Variants in ITGB8 observed in about 807,000 individuals in gnomAD.
ITGB8 encodes the protein integrin beta-8.
ITGB8 carries 30 observed loss-of-function variants against 89.5 expected under a neutral mutation model. That is an observed-to-expected ratio of 0.34 (90% CI 0.25 to 0.45). The LOEUF (loss-of-function observed/expected upper bound fraction) is 0.45, where lower values mean the gene tolerates loss of function less well. Among genes scored for constraint, ITGB8 ranks in the 20% least tolerant of loss-of-function variants. The pLI is 1.00. For synonymous variants in ITGB8, 335 were observed against 320.4 expected (o/e 1.05, Z -0.49); for missense variants, 836 against 933.3 (o/e 0.90, Z 1.36).
chr7:20,406,227 C>T (rs1168012621), intron 12 of ITGB8, 56 bp downstream of exon 12: 31 of 1,074,286 alleles, frequency 2.9e-5, no homozygotes, highest in Non-Finnish European at 4.0e-5. Context: ...GGATGATGTT[C>T]CCCCAAAAGA....
intron 1 of ITGB8, among the ~76,000 whole-genome samples, chr7:20,342,291 A>G (rs1225902175): frequency 3.3e-5 from 5 of 152,216 alleles, no homozygotes; most frequent in African/African-American, 1.2e-4. Context: ...TTGACAATCT[A>G]GGAACTAAAT....
intron 1 of ITGB8, among the ~76,000 whole-genome samples, chr7:20,349,397 A>T (rs1252307239): frequency 6.6e-6 from 1 of 151,798 alleles, no homozygotes; most frequent in Non-Finnish European, 1.5e-5. Context: ...CAATTACTTT[A>T]GCACCAACCT....
intron 5 of ITGB8, 112 bp downstream of exon 5, chr7:20,380,943 A>T: frequency 1.1e-6 from 1 of 890,622 alleles, no homozygotes; most frequent in Non-Finnish European, 1.7e-6. Flanking sequence ...AGAAGAAAAC[A>T]TATCTTACTA....
intron 1 of ITGB8, among the ~76,000 whole-genome samples, chr7:20,355,714 A>G (rs780089142): frequency 6.6e-6 from 1 of 152,210 alleles, no homozygotes; most frequent in Non-Finnish European, 1.5e-5. Context: ...CAAGTTTGAA[A>G]CAAATTAAAC....
At chr7:20,399,282 G>C (rs748698072) in intron 9 of ITGB8, among the ~76,000 whole-genome samples, 3 of 152,046 alleles carry the variant, frequency 2.0e-5, no homozygotes, top group Non-Finnish European at 4.4e-5. Context: ...GTCATGACCG[G>C]TATAAATTAG....
Position 20,409,789 on chromosome 7 carries a change from T to C in ITGB8, c.2187+11T>C. 6.2e-7 allele frequency: 1 copy of C among 1,612,330 alleles called. No homozygotes were observed. Among genetic ancestry groups the C allele is most frequent in the Non-Finnish European group, 8.5e-7 (1 of 1,179,052 alleles). On this transcript the variant is annotated intron_variant, in intron 13 of 13. Coordinates refer to ENST00000222573, the MANE Select transcript of ITGB8 (RefSeq NM_002214.3). ...TCAGCCTCAAAAAAGGTCAGTGAAT[T>C]CTAAAAAAGAACTGCTAACAGTATG...
At position 20,366,993 on chromosome 7, in the gene ITGB8, T is replaced by C; in HGVS notation, c.214-19T>C. On this transcript the variant is annotated intron_variant, in intron 2 of 13. Coordinates refer to ENST00000222573, the MANE Select transcript of ITGB8 (RefSeq NM_002214.3). ...TGATATACACTAAAAACATCAGTGA[T>C]TTTCTTTCTTTTAAACAGGATTTCA... is the stretch of plus-strand genomic sequence containing the variant. The C allele has an allele frequency of 1.9e-6, 3 of 1,582,076 alleles. No individual in the cohort carries two copies. The highest frequency in any genetic ancestry group is 2.6e-6 in the Non-Finnish European group (3 of 1,161,238).
rs1237174381 is a variant in ITGB8 at position 20,412,393 on chromosome 7, C to T, written c.*2396C>T. 1 of 152,036 alleles carries T rather than the reference C, an allele frequency of 6.6e-6. No individual in the cohort carries two copies. The highest frequency in any genetic ancestry group is 1.5e-5 in the Non-Finnish European group (1 of 67,930). 9.4% of individuals were successfully genotyped at this position (152,036 alleles called of 1,614,324 possible). ...AATGGATGGATGCCTGACAACCCTC[C>T]AAAAGAAAAAAGTGTAAGATAGCCA... On this transcript the variant is annotated 3_prime_UTR_variant, in exon 14 of 14. Coordinates refer to ENST00000222573, the MANE Select transcript of ITGB8 (RefSeq NM_002214.3).
intron 3 of ITGB8, among the ~76,000 whole-genome samples, chr7:20,374,739 G>C (rs1562677748): frequency 6.6e-6 from 1 of 152,192 alleles, no homozygotes; most frequent in African/African-American, 2.4e-5. Flanking sequence ...TGTATATGGG[G>C]AAGTAAAGCA....
Position 20,331,732 on chromosome 7 carries a change from A to C in ITGB8, c.-75A>C. 2 of 1,492,272 alleles carry C rather than the reference A, an allele frequency of 1.3e-6. No individual in the cohort carries two copies. The highest frequency in any genetic ancestry group is 2.5e-5 in the East Asian group (1 of 40,344). The allele number at this position is 1,492,272 out of a possible 1,614,324, so 92.4% of individuals were successfully genotyped here. On this transcript the variant is annotated 5_prime_UTR_variant, in exon 1 of 14. Transcript: ENST00000222573. ...AGCGACACTCGGCCCGCGGGCCCCG[A>C]GGTGCGCCCGGGAGGCGCGAGCCCG...
In ITGB8 at chr7:20,405,391, A is replaced by T. The variant is rs551938452; in HGVS notation, c.1913+538A>T. ...TGGAGTGCAGTGACATGTCACTGCAAGCTCCGCCTCCCGGGTTCACGCCAT... is the reference window on the plus strand; with the variant it reads ...TGGAGTGCAGTGACATGTCACTGCATGCTCCGCCTCCCGGGTTCACGCCAT... On this transcript the variant is annotated intron_variant, in intron 11 of 13. Transcript: ENST00000222573. 4.7e-5 allele frequency among the ~76,000 whole-genome samples: 7 copies of T among 150,280 alleles called. No individual in the cohort carries two copies. The South Asian group carries it at 1.5e-3, about 31-fold the overall frequency.
intron 4 of ITGB8, chr7:20,380,463 A>T: frequency 1.9e-6 from 1 of 524,982 alleles, no homozygotes; most frequent in South Asian, 2.5e-5. Flanking sequence ...AAATGCTTAT[A>T]GTCTTATTTC....
chr7:20,375,857 T>G (rs1786120426), intron 3 of ITGB8, among the ~76,000 whole-genome samples: 1 of 152,192 alleles, frequency 6.6e-6, no homozygotes, highest in South Asian at 2.1e-4. Context: ...TACCTGATAG[T>G]TGGAATAGCC....
intron 1 of ITGB8, among the ~76,000 whole-genome samples, chr7:20,344,294 C>T (rs1784853047): frequency 9.3e-6 from 1 of 107,200 alleles, no homozygotes; most frequent in Non-Finnish European, 1.9e-5. Flanking sequence ...TAATTTTTCT[C>T]ATTTTTTTAG....
chr7:20,331,449 C>G lies in ITGB8; in HGVS notation c.-358C>G. 2.4e-6 allele frequency: 1 copy of G among 411,732 alleles called. No individual in the cohort carries two copies. Among genetic ancestry groups the G allele is most frequent in the East Asian group, 3.6e-5 (1 of 28,076 alleles). The allele number at this position is 411,732 out of a possible 1,614,324, so 25.5% of individuals were successfully genotyped here. On this transcript the variant is annotated 5_prime_UTR_variant, in exon 1 of 14. Coordinates refer to ENST00000222573, the MANE Select transcript of ITGB8 (RefSeq NM_002214.3). ...TAAGCTGATTTATGCAGCAGAAGCCCCACCGGCTGGAGAGAAACAAAAGCT... is the reference window on the plus strand; with the variant it reads ...TAAGCTGATTTATGCAGCAGAAGCCGCACCGGCTGGAGAGAAACAAAAGCT...
At chr7:20,345,020 T>C (rs968246810) in intron 1 of ITGB8, among the ~76,000 whole-genome samples, 1 of 152,148 alleles carries the variant, frequency 6.6e-6, no homozygotes, top group Non-Finnish European at 1.5e-5. Context: ...CAGCACTAAG[T>C]ATCTAGCACC....
At position 20,392,107 on chromosome 7, in the gene ITGB8, A is replaced by AC. The variant is rs144783067; in HGVS notation, c.1056+615dup. 6.8e-3 allele frequency among the ~76,000 whole-genome samples: 1,028 copies of AC among 151,642 alleles called. 14 individuals are homozygous for AC. The highest frequency in any genetic ancestry group is 0.024 in the African/African-American group (998 of 41,376). ...CTGTGTCACACTGGAGGTGCCATGG[A>AC]CCCCCCAGCATAGAACTGTTCCTCT... On this transcript the variant is annotated intron_variant, in intron 7 of 13. Transcript: ENST00000222573.
rs1785729346 is a variant in ITGB8 at position 20,367,086 on chromosome 7, T to A, written c.288T>A (p.Val96=). The A allele has an allele frequency of 1.9e-6, 3 of 1,611,924 alleles. No homozygotes were observed. Among genetic ancestry groups the A allele is most frequent in the Non-Finnish European group, 2.5e-6 (3 of 1,178,092 alleles). ...VSNLISKGCS[V]DSIEYPSVHV... Reference sequence around the variant, plus strand: ...ATTTAATAAGCAAAGGCTGCTCAGTTGATTCAATAGAATACCCATCTGTGC... The same window carrying A: ...ATTTAATAAGCAAAGGCTGCTCAGTAGATTCAATAGAATACCCATCTGTGC... The change falls in exon 3 of 14, where the codon GTT becomes GTA. Residue 96 remains valine (V), a synonymous_variant. Transcript: ENST00000222573.
chr7:20,333,034 T>C (rs1562645227), intron 1 of ITGB8, among the ~76,000 whole-genome samples: 1 of 152,108 alleles, frequency 6.6e-6, no homozygotes, highest in Admixed American at 6.6e-5. Flanking sequence ...TAATTAATAG[T>C]TGTAATTGTT....
Sources: gnomAD v4.1 joint callset for allele counts (sites outside exome capture counted in the v4.1 genomes callset) on GRCh38, gnomAD v4.1.1 for gene constraint, MANE v1.5 for transcripts, NCBI Gene and HGNC (gene_info 2026-07-23, HGNC 2026-07-21) for gene names.